Variants in CAMTA1 observed in about 807,000 individuals in gnomAD.
The protein encoded by CAMTA1 is calmodulin binding transcription activator 1, also known as calmodulin-binding transcription activator 1.
In CAMTA1, 27 loss-of-function variants were observed where a neutral mutation model predicts 170.9. The ratio of observed to expected loss-of-function variants is 0.16; its 90% confidence interval spans 0.12 to 0.22. CAMTA1 has a LOEUF of 0.22. Ranked by LOEUF, CAMTA1 falls within the 10% of genes least tolerant of loss-of-function variation. The pLI is 1.00. For synonymous variants in CAMTA1, 833 were observed against 891.5 expected (o/e 0.93, Z 1.17); for missense variants, 1,619 against 2,217.2 (o/e 0.73, Z 5.42).
intron 6 of CAMTA1, among the ~76,000 whole-genome samples, chr1:7,498,776 CAT>C (rs374719278): frequency 0.02 from 2,862 of 146,358 alleles, 80 homozygotes; most frequent in African/African-American, 0.068. Context: ...GCCTGGTGTG[CAT>C]GTGTATGTAT....
At chr1:7,336,749 C>G (rs2083406579) in intron 5 of CAMTA1, among the ~76,000 whole-genome samples, 2 of 152,172 alleles carry the variant, frequency 1.3e-5, no homozygotes, top group African/African-American at 4.8e-5. Flanking sequence ...GTTTCACGTC[C>G]CGAGGTGGGC....
At chr1:7,705,487 G>T (rs1227100640) in intron 11 of CAMTA1, among the ~76,000 whole-genome samples, 2 of 150,928 alleles carry the variant, frequency 1.3e-5, no homozygotes. Context: ...CTGTGTCGGA[G>T]CGAGGGCGGG....
intron 5 of CAMTA1, among the ~76,000 whole-genome samples, chr1:7,421,545 A>G (rs1478811963): frequency 6.6e-6 from 1 of 152,192 alleles, no homozygotes; most frequent in African/African-American, 2.4e-5. Context: ...TAGTGAGGTC[A>G]CCTGGACAAG....
chr1:7,689,906 C>T (rs996843522), intron 11 of CAMTA1, among the ~76,000 whole-genome samples: 3 of 152,196 alleles, frequency 2.0e-5, no homozygotes, highest in African/African-American at 7.2e-5. Flanking sequence ...GCCTGTAATC[C>T]CAGCACTTTG....
In CAMTA1 at chr1:7,674,927, C is replaced by T. The variant is rs1373247365; in HGVS notation, c.2780-2672C>T. Among the ~76,000 whole-genome samples the T allele has an allele frequency of 6.6e-6, 1 of 152,180 alleles. No individual in the cohort carries two copies. The highest frequency in any genetic ancestry group is 2.4e-5 in the African/African-American group (1 of 41,444). On this transcript the variant is annotated intron_variant, in intron 10 of 22. Coordinates refer to ENST00000303635, the MANE Select transcript of CAMTA1 (RefSeq NM_015215.4). This position sits in a 1 kb window ranked among gnomAD's most constrained non-coding sequence, Gnocchi z 4.1. ...CATGAAGATTAAGACAGAGCCAGTC[C>T]CAGCTCTCATGAGCTAATGTTCTAC...
chr1:7,407,250 G>A (rs1298123000), intron 5 of CAMTA1, among the ~76,000 whole-genome samples: 1 of 152,240 alleles, frequency 6.6e-6, no homozygotes, highest in African/African-American at 2.4e-5. Flanking sequence ...CTGACTTGGG[G>A]GGCTCATGGC....
chr1:7,607,110 T>C (rs868025239), intron 6 of CAMTA1, among the ~76,000 whole-genome samples: 1 of 151,148 alleles, frequency 6.6e-6, no homozygotes, highest in African/African-American at 2.5e-5. Flanking sequence ...AGTAGGTGGG[T>C]AGATGGAAGG....
intron 7 of CAMTA1, among the ~76,000 whole-genome samples, chr1:7,656,288 G>A (rs1183832489): frequency 6.6e-6 from 1 of 152,178 alleles, no homozygotes; most frequent in African/African-American, 2.4e-5. Context: ...AAGATTAAGG[G>A]GACATTGGGG....
chr1:7,446,822 C>T (rs2092692874), intron 5 of CAMTA1, among the ~76,000 whole-genome samples: 1 of 152,186 alleles, frequency 6.6e-6, no homozygotes, highest in Non-Finnish European at 1.5e-5. Flanking sequence ...GAGGGGTGCT[C>T]CCCTGGGGTT....
chr1:7,217,289 T>C (rs1048429232), intron 4 of CAMTA1, among the ~76,000 whole-genome samples: 2 of 152,236 alleles, frequency 1.3e-5, no homozygotes, highest in Admixed American at 1.3e-4. Context: ...TCTGCCATGA[T>C]TGTAAGTTTC....
chr1:6,872,112 A>G, intron 3 of CAMTA1: 1 of 434,930 alleles, frequency 2.3e-6, no homozygotes, highest in Non-Finnish European at 3.2e-6. Context: ...TGTTTTGCAG[A>G]AGCTGAATTA....
At chr1:7,689,504 T>C (rs373076406) in intron 11 of CAMTA1, among the ~76,000 whole-genome samples, 1 of 151,198 alleles carries the variant, frequency 6.6e-6, no homozygotes, top group East Asian at 2.0e-4. Context: ...GCTTGAGCCC[T>C]GGAGGTTGAG....
intron 3 of CAMTA1, among the ~76,000 whole-genome samples, chr1:6,994,330 ATTTAAC>A (rs1696854302): frequency 6.6e-6 from 1 of 152,188 alleles, no homozygotes; most frequent in African/African-American, 2.4e-5. Flanking sequence ...GAAGAATTTC[ATTTAAC>A]TTTATTTCAT....
rs943952394 is a variant in CAMTA1, at chr1:7,041,696, A to G, written c.235-49608A>G. ...CAATCCTTGGCAGAAAGGTTTGCTG[A>G]CGTCTCCTCGTAGATAAAGGAAAAT... On this transcript the variant is annotated intron_variant, in intron 3 of 22. Transcript: ENST00000303635. This position sits in a 1 kb window ranked among gnomAD's most constrained non-coding sequence, Gnocchi z 5.1. Among the ~76,000 whole-genome samples, 1 of 152,216 alleles carries G rather than the reference A, an allele frequency of 6.6e-6. No homozygotes were observed. Among genetic ancestry groups the G allele is most frequent in the African/African-American group, 2.4e-5 (1 of 41,452 alleles).
intron 6 of CAMTA1, among the ~76,000 whole-genome samples, chr1:7,575,301 G>A (rs1430846438): frequency 2.6e-5 from 4 of 152,018 alleles, no homozygotes; most frequent in South Asian, 2.1e-4. Context: ...ACACTGCCCC[G>A]ACTCTGTCTC....
chr1:7,535,214 AT>A (rs1274050428), intron 6 of CAMTA1, among the ~76,000 whole-genome samples: 4 of 152,166 alleles, frequency 2.6e-5, no homozygotes, highest in Non-Finnish European at 5.9e-5. Flanking sequence ...AGGGGCTCTG[AT>A]TGGCCAGCAT....
At chr1:7,186,594 A>G (rs1470833530) in intron 4 of CAMTA1, among the ~76,000 whole-genome samples, 1 of 152,138 alleles carries the variant, frequency 6.6e-6, no homozygotes, top group Non-Finnish European at 1.5e-5. Context: ...TCTGACACCC[A>G]CCTGCTATGT....
intron 4 of CAMTA1, among the ~76,000 whole-genome samples, chr1:7,181,417 A>C (rs1281875756): frequency 1.3e-5 from 2 of 152,222 alleles, no homozygotes; most frequent in Non-Finnish European, 2.9e-5. Flanking sequence ...AGTTACTGGC[A>C]TGAATATTAG....
At chr1:7,189,156 A>T (rs1210359852) in intron 4 of CAMTA1, among the ~76,000 whole-genome samples, 6 of 152,212 alleles carry the variant, frequency 3.9e-5, no homozygotes, top group Non-Finnish European at 7.3e-5. Flanking sequence ...CCTGTGCACA[A>T]AGTTGTACAT....
Sources: allele counts gnomAD v4.1 joint callset (sites outside exome capture counted in the v4.1 genomes callset), GRCh38; gene constraint gnomAD v4.1.1; non-coding constraint Gnocchi (gnomAD v3.1); transcripts MANE v1.5; gene names NCBI Gene and HGNC (gene_info 2026-07-23, HGNC 2026-07-21).